Variants in PXDC1 observed in about 807,000 individuals in gnomAD.
The protein encoded by PXDC1 is PX domain containing 1.
Under a neutral mutation model 24.4 loss-of-function variants are expected in PXDC1, and 13 were observed. The ratio of observed to expected loss-of-function variants is 0.53; its 90% CI spans 0.35 to 0.85. The LOEUF is 0.85. Ranked by LOEUF, PXDC1 falls within the 40% of genes least tolerant of loss-of-function variation. PXDC1 has a pLI of 0.01. For synonymous variants in PXDC1, 162 were observed against 124.9 expected (o/e 1.30, Z -1.98); for missense variants, 344 against 309.3 (o/e 1.11, Z -0.84).
intron 1 of PXDC1, among the ~76,000 whole-genome samples, chr6:3,743,941 C>A (rs550347540): frequency 5.8e-4 from 88 of 152,302 alleles, no homozygotes; most frequent in Middle Eastern, 3.4e-3. Flanking sequence ...TGAGGAAAAA[C>A]AGAACACCCG....
At chr6:3,742,915 T>C (rs563449982) in intron 1 of PXDC1, among the ~76,000 whole-genome samples, 4 of 152,306 alleles carry the variant, frequency 2.6e-5, no homozygotes, top group African/African-American at 9.6e-5. Flanking sequence ...AAACACAGCG[T>C]TGTATCTGTC....
chr6:3,749,074 C>T (rs775787934), intron 1 of PXDC1, among the ~76,000 whole-genome samples: 1 of 152,118 alleles, frequency 6.6e-6, no homozygotes, highest in Non-Finnish European at 1.5e-5. Context: ...ACTTCCCTGG[C>T]GCTGCACAAC....
intron 1 of PXDC1, among the ~76,000 whole-genome samples, chr6:3,743,525 G>A (rs947446039): frequency 6.6e-6 from 1 of 151,952 alleles, no homozygotes; most frequent in African/African-American, 2.4e-5. Context: ...TACACATCTT[G>A]GAAACTAAAT....
Position 3,737,878 on chromosome 6 carries a change from G to T in PXDC1, c.348+179C>A. 1 of 243,712 alleles carries T rather than the reference G, an allele frequency of 4.1e-6. No individual in the cohort carries two copies. Among genetic ancestry groups the T allele is most frequent in the Non-Finnish European group, 6.6e-6 (1 of 151,734 alleles). The allele number at this position is 243,712 out of a possible 1,614,324, so 15.1% of individuals were successfully genotyped here. ...AGCCCATGAAAGCCTTCTTTCTCCT[G>T]ATTACACCTGCACACCTCCACTCCG... is the stretch of plus-strand genomic sequence containing the variant. On this transcript the variant is annotated intron_variant, in intron 2 of 4. Transcript: ENST00000380283. The surrounding 1 kb of genome is among the most constrained non-coding windows in gnomAD (Gnocchi z 5.5).
At chr6:3,741,611 G>A (rs1760449863) in intron 1 of PXDC1, among the ~76,000 whole-genome samples, 1 of 152,232 alleles carries the variant, frequency 6.6e-6, no homozygotes, top group Non-Finnish European at 1.5e-5. Flanking sequence ...GCTGATTCAT[G>A]AAGTGATGAA....
chr6:3,741,712 G>A (rs894076528), intron 1 of PXDC1, among the ~76,000 whole-genome samples: 2 of 152,332 alleles, frequency 1.3e-5, no homozygotes, highest in South Asian at 2.1e-4. Context: ...TCCAGAGCAC[G>A]GCGACAAGAA....
intron 1 of PXDC1, among the ~76,000 whole-genome samples, chr6:3,740,511 C>T (rs1760429119): frequency 6.6e-6 from 1 of 152,224 alleles, no homozygotes; most frequent in Admixed American, 6.5e-5. Context: ...TTCTTTGTGA[C>T]CCATCTTCCA....
chr6:3,741,364 G>A (rs1760445347), intron 1 of PXDC1, among the ~76,000 whole-genome samples: 1 of 152,192 alleles, frequency 6.6e-6, no homozygotes, highest in Non-Finnish European at 1.5e-5. Context: ...AAATTTAGAT[G>A]GGGAAAGTGA....
rs1040806919 is a variant in PXDC1, at chr6:3,723,329, G to C, written c.*290C>G. The C allele has an allele frequency of 6.4e-5, 27 of 420,426 alleles. No individual in the cohort carries two copies. Among genetic ancestry groups the C allele is most frequent in the African/African-American group, 4.9e-4 (25 of 51,262 alleles). The allele number at this position is 420,426 out of a possible 1,614,324, so 26.0% of individuals were successfully genotyped here. Reference sequence around the variant, plus strand: ...CCCCACAGGAACTGTCCCTGCCCTGGCAGTGCGCAGCCCTGTGGGCACCAA... The same window carrying C: ...CCCCACAGGAACTGTCCCTGCCCTGCCAGTGCGCAGCCCTGTGGGCACCAA... On this transcript the variant is annotated 3_prime_UTR_variant, in exon 5 of 5. Transcript: ENST00000380283.
Position 3,737,265 on chromosome 6 carries a change from A to C in PXDC1, c.349-69T>G. ...ACGTTGGCCCTGTCTGTCTACCAAG[A>C]GAGGGCCCCGCTCCTCCGCAGAGGC... On this transcript the variant is annotated intron_variant, in intron 2 of 4. Transcript: ENST00000380283. The surrounding 1 kb of genome is among the most constrained non-coding windows in gnomAD (Gnocchi z 5.5). 1 of 1,104,614 alleles carries C rather than the reference A, an allele frequency of 9.1e-7. No homozygotes were observed. The highest frequency in any genetic ancestry group is 1.3e-5 in the South Asian group (1 of 77,768). 68.4% of individuals were successfully genotyped at this position (1,104,614 alleles called of 1,614,324 possible).
At chr6:3,736,312 G>A (rs752248517) in intron 3 of PXDC1, among the ~76,000 whole-genome samples, 1 of 151,988 alleles carries the variant, frequency 6.6e-6, no homozygotes, top group Non-Finnish European at 1.5e-5. Flanking sequence ...CCCACAGATC[G>A]CAACATCATG....
At chr6:3,740,059 T>G (rs189166568) in intron 1 of PXDC1, among the ~76,000 whole-genome samples, 13 of 152,352 alleles carry the variant, frequency 8.5e-5, no homozygotes, top group Admixed American at 5.2e-4. Flanking sequence ...TTCCAGTTGA[T>G]CAAATGAATG....
chr6:3,723,457 TG>T lies in PXDC1; in HGVS notation c.*161del. 1 of 668,246 alleles carries T rather than the reference TG, an allele frequency of 1.5e-6. No homozygotes were observed. The highest frequency in any genetic ancestry group is 2.7e-6 in the Non-Finnish European group (1 of 369,422). The allele number at this position is 668,246 out of a possible 1,614,324, so 41.4% of individuals were successfully genotyped here. ...AGCCTGGCCCACTAGGAGCCCCTGCTGCTCCACTTGCAGGACACCCAGGCCT... is the reference window on the plus strand; with the variant it reads ...AGCCTGGCCCACTAGGAGCCCCTGCTCTCCACTTGCAGGACACCCAGGCCT... On this transcript the variant is annotated 3_prime_UTR_variant, in exon 5 of 5. Transcript: ENST00000380283.
intron 3 of PXDC1, among the ~76,000 whole-genome samples, chr6:3,736,830 C>T (rs1298829850): frequency 6.6e-6 from 1 of 152,194 alleles, no homozygotes; most frequent in Non-Finnish European, 1.5e-5. Context: ...ATCGTTATAC[C>T]ATTTCTTAAG....
At chr6:3,726,481 A>G (rs996392739) in intron 4 of PXDC1, among the ~76,000 whole-genome samples, 4 of 152,114 alleles carry the variant, frequency 2.6e-5, no homozygotes, top group Admixed American at 1.3e-4. Flanking sequence ...CGCACCATCT[A>G]CCCGGGAGAC....
Position 3,729,681 on chromosome 6 carries a change from A to C in PXDC1, c.467-2019T>G, listed in dbSNP as rs552156793. On this transcript the variant is annotated intron_variant, in intron 3 of 4. Transcript: ENST00000380283. ...CTAAGATTCCCTCGCCTCTCTATCT[A>C]AAATGGGTGGCAGCACAGAACCACT... 2.1e-4 allele frequency among the ~76,000 whole-genome samples: 32 copies of C among 152,362 alleles called. No homozygotes were observed. The South Asian group carries it at 2.7e-3, about 13-fold the overall frequency.
chr6:3,751,420 A>T lies in PXDC1; in HGVS notation c.112T>A (p.Phe38Ile). Reference protein sequence around the residue: ...IVSRRGDEEEFFEIRTEWSDR... With the variant: ...IVSRRGDEEEIFEIRTEWSDR... ...GACCACTCCGTGCGGATCTCGAAGA[A>T]CTCCTCTTCGTCGCCGCGCCGGCTG... The change falls in exon 1 of 5, where the codon TTC (phenylalanine) becomes ATC (isoleucine). Residue 38 changes from phenylalanine (F) to isoleucine (I), a missense_variant. Transcript: ENST00000380283. 6.3e-7 allele frequency: 1 copy of T among 1,583,186 alleles called. No homozygotes were observed. The highest frequency in any genetic ancestry group is 8.6e-7 in the Non-Finnish European group (1 of 1,165,862).
chr6:3,736,475 C>T (rs1760319257), intron 3 of PXDC1, among the ~76,000 whole-genome samples: 1 of 152,224 alleles, frequency 6.6e-6, no homozygotes, highest in African/African-American at 2.4e-5. Flanking sequence ...ACTCCCAGGA[C>T]AGACCTCTTT....
intron 1 of PXDC1, among the ~76,000 whole-genome samples, chr6:3,743,756 T>C (rs1478653022): frequency 1.3e-5 from 2 of 152,196 alleles, no homozygotes; most frequent in Non-Finnish European, 2.9e-5. Flanking sequence ...AGTATAACTG[T>C]ACAAGGAGAG....
Sources: gnomAD v4.1 joint callset for allele counts (sites outside exome capture counted in the v4.1 genomes callset) on GRCh38, gnomAD v4.1.1 for gene constraint, Gnocchi (gnomAD v3.1) non-coding constraint, MANE v1.5 for transcripts, NCBI Gene and HGNC (gene_info 2026-07-23, HGNC 2026-07-21) for gene names.